Variants in SLC39A2 observed in about 807,000 individuals in gnomAD.
The protein encoded by SLC39A2 is solute carrier family 39 member 2.
Under a neutral mutation model 18.0 loss-of-function variants are expected in SLC39A2, and 14 were observed. The ratio of observed to expected loss-of-function variants is 0.78; its 90% CI spans 0.51 to 1.22. The LOEUF (loss-of-function observed/expected upper bound fraction) is 1.22. SLC39A2 is among the 50% of genes most tolerant of loss of function. SLC39A2 has a pLI of 0.00. For synonymous variants in SLC39A2, 152 were observed against 153.1 expected (o/e 0.99, Z 0.05); for missense variants, 375 against 370.6 (o/e 1.01, Z -0.10).
At chr14:20,999,621 A>G (rs1471093365) in intron 1 of SLC39A2, 60 bp downstream of exon 1, 1 of 1,577,994 alleles carries the variant, frequency 6.3e-7, no homozygotes, top group East Asian at 2.2e-5. Context: ...CTGTCCTGAT[A>G]CCTTGCTCTG....
chr14:20,999,648 CA>C, intron 1 of SLC39A2, 87 bp downstream of exon 1: 1 of 1,575,556 alleles, frequency 6.3e-7, no homozygotes, highest in East Asian at 2.2e-5. Context: ...TCACCATCCC[CA>C]ACCTTGGGAT....
rs754671155 is a variant in SLC39A2, at chr14:20,999,564, A to G, written c.115+3A>G. Reference sequence around the variant, plus strand: ...GTTCCAGATTGATGCAGCCAGAGGTATAGCCCTACCCCATCTTTGTTCCAT... The same window carrying G: ...GTTCCAGATTGATGCAGCCAGAGGTGTAGCCCTACCCCATCTTTGTTCCAT... On this transcript the variant is annotated splice_donor_region_variant and intron_variant, in intron 1 of 3. Transcript: ENST00000298681. 6.2e-7 allele frequency: 1 copy of G among 1,611,856 alleles called. No homozygotes were observed. The highest frequency in any genetic ancestry group is 1.7e-5 in the Admixed American group (1 of 60,026).
intron 3 of SLC39A2, 38 bp downstream of exon 3, chr14:21,000,204 G>A (rs771439041): frequency 6.7e-7 from 1 of 1,482,988 alleles, no homozygotes; most frequent in Non-Finnish European, 9.4e-7. Flanking sequence ...GGAGAGTGAG[G>A]AGAACCAGAG....
chr14:21,001,165 C>G lies in SLC39A2; in HGVS notation c.516C>G (p.Leu172=). Residue 172 remains leucine (L), a synonymous_variant, in exon 4 of 4, where the codon CTC becomes CTG. Coordinates refer to ENST00000298681, the MANE Select transcript of SLC39A2 (RefSeq NM_014579.4). ...GAGCCCTTGTCCTCTTGCTGTCACTCTCCTTTCACTCAGTGTTTGAAGGGC... is the reference window on the plus strand; with the variant it reads ...GAGCCCTTGTCCTCTTGCTGTCACTGTCCTTTCACTCAGTGTTTGAAGGGC... The part of the protein sequence containing the change: ...PLRALVLLLS[L]SFHSVFEGLA... 6.2e-7 allele frequency: 1 copy of G among 1,614,212 alleles called. No homozygotes were observed. Among genetic ancestry groups the G allele is most frequent in the South Asian group, 1.1e-5 (1 of 91,086 alleles).
At position 21,001,090 on chromosome 14, in the gene SLC39A2, C is replaced by G. The variant is rs375249363; in HGVS notation, c.441C>G (p.Phe147Leu). The G allele has an allele frequency of 6.2e-7, 1 of 1,612,740 alleles. No homozygotes were observed. Among genetic ancestry groups the G allele is most frequent in the Admixed American group, 1.7e-5 (1 of 59,960 alleles). The change falls in exon 4 of 4, where the codon TTC (phenylalanine) becomes TTG (leucine). Residue 147 changes from phenylalanine (F) to leucine (L), a missense_variant. Transcript: ENST00000298681. ...AAGAATGGGGTGGGGCTCATATCTT[C>G]GAACTCCACAGCCATGGACATTTAC... ...QDEEWGGAHIFELHSHGHLPS... is the reference protein window; with the variant it reads ...QDEEWGGAHILELHSHGHLPS...
At position 21,001,347 on chromosome 14, in the gene SLC39A2, T is replaced by C. The variant is rs1408015712; in HGVS notation, c.698T>C (p.Leu233Pro). The change falls in exon 4 of 4, where the codon CTC becomes CCC. Residue 233 changes from leucine (L) to proline (P), a missense_variant. By Grantham distance (98) the Leu-to-Pro change is moderately conservative (BLOSUM62 -3). Transcript: ENST00000298681. ...WAVFSILLLALMSPLGLAVGL... is the reference protein window; with the variant it reads ...WAVFSILLLAPMSPLGLAVGL... The stretch of plus-strand genomic sequence containing the variant: ...GTGTTCTCCATACTATTATTAGCTC[T>C]CATGTCCCCCCTGGGCCTAGCCGTA... The C allele has an allele frequency of 6.2e-7, 1 of 1,614,222 alleles. No homozygotes were observed. Among genetic ancestry groups the C allele is most frequent in the East Asian group, 2.2e-5 (1 of 44,886 alleles).
Position 21,001,130 on chromosome 14 carries a change from G to A in SLC39A2, c.481G>A (p.Gly161Ser), listed in dbSNP as rs199578379. 16 of 1,614,078 alleles carry A rather than the reference G, an allele frequency of 9.9e-6. No homozygotes were observed. The East Asian group carries it at 3.6e-4, about 36-fold the overall frequency. Residue 161 changes from glycine (G) to serine (S), a missense_variant, in exon 4 of 4, where the codon GGT becomes AGT. Transcript: ENST00000298681. The part of the protein sequence containing the change: ...SHGHLPSPSK[G>S]PLRALVLLLS... ...TGGACATTTACCCTCACCCTCAAAG[G>A]GTCCCCTCCGAGCCCTTGTCCTCTT...
rs1453339688 is a variant in SLC39A2 at position 21,001,693 on chromosome 14, A to G, written c.*114A>G. ...TCTTTACTCAGACTAAATAGCATTC[A>G]GTAGGACTGGACTGGACCCCAGGTT... On this transcript the variant is annotated 3_prime_UTR_variant, in exon 4 of 4. Coordinates refer to ENST00000298681, the MANE Select transcript of SLC39A2 (RefSeq NM_014579.4). The G allele has an allele frequency of 2.9e-6, 3 of 1,028,490 alleles. No homozygotes were observed. The highest frequency in any genetic ancestry group is 4.2e-6 in the Non-Finnish European group (3 of 714,320). 63.7% of individuals were successfully genotyped at this position (1,028,490 alleles called of 1,614,324 possible). A position where few individuals can be genotyped will look rare whatever the true frequency, so the allele number is the denominator to read the frequency against.
At position 21,001,357 on chromosome 14, in the gene SLC39A2, C is replaced by G. The variant is rs200748795; in HGVS notation, c.708C>G (p.Pro236=). The change falls in exon 4 of 4, where the codon CCC becomes CCG. Residue 236 remains proline (P), a synonymous_variant. Transcript: ENST00000298681. Reference sequence around the variant, plus strand: ...TACTATTATTAGCTCTCATGTCCCCCCTGGGCCTAGCCGTAGGGCTGGCTG... The same window carrying G: ...TACTATTATTAGCTCTCATGTCCCCGCTGGGCCTAGCCGTAGGGCTGGCTG... ...FSILLLALMS[P]LGLAVGLAVT... The G allele has an allele frequency of 1.9e-5, 31 of 1,614,200 alleles. No individual in the cohort carries two copies. In the East Asian group the frequency reaches 6.0e-4, roughly 31 times the overall value.
rs370867815 is a variant in SLC39A2, at chr14:21,001,298, T to C, written c.649T>C (p.Leu217=). ...TGGTGTAGGAATGCGGCTAGTGCATTTAGGTACCAGCTCACGATGGGCAGT... is the reference window on the plus strand; with the variant it reads ...TGGTGTAGGAATGCGGCTAGTGCATCTAGGTACCAGCTCACGATGGGCAGT... The part of the protein sequence containing the change: ...VFGVGMRLVH[L]GTSSRWAVFS... The change falls in exon 4 of 4, where the codon TTA becomes CTA. Residue 217 remains leucine (L), a synonymous_variant. Transcript: ENST00000298681. The C allele has an allele frequency of 3.2e-5, 52 of 1,614,212 alleles. No individual in the cohort carries two copies. In the South Asian group the frequency reaches 3.5e-4, roughly 11 times the overall value.
rs1443182194 is a variant in SLC39A2 at position 21,001,537 on chromosome 14, C to T, written c.888C>T (p.Ala296=). The part of the protein sequence containing the change: ...EAPLAKWSCV[A]AGFAFMAFIA... Reference sequence around the variant, plus strand: ...CTCTAGCTAAGTGGAGCTGTGTAGCCGCTGGTTTTGCCTTCATGGCCTTTA... The same window carrying T: ...CTCTAGCTAAGTGGAGCTGTGTAGCTGCTGGTTTTGCCTTCATGGCCTTTA... Residue 296 remains alanine, a synonymous_variant, in exon 4 of 4, where the codon GCC becomes GCT. Transcript: ENST00000298681. 4.4e-6 allele frequency: 7 copies of T among 1,588,106 alleles called. No individual in the cohort carries two copies. In the South Asian group the frequency reaches 5.8e-5, roughly 13 times the overall value.
chr14:21,001,165 CTCCTT>C lies in SLC39A2; in HGVS notation c.519_523del (p.Phe174LeufsTer4), dbSNP rs1880615567. ...GAGCCCTTGTCCTCTTGCTGTCACTCTCCTTTCACTCAGTGTTTGAAGGGCTAGCT... is the reference window on the plus strand; with the variant it reads ...GAGCCCTTGTCCTCTTGCTGTCACTCTCACTCAGTGTTTGAAGGGCTAGCT... On this transcript the variant is annotated frameshift_variant, in exon 4 of 4. Transcript: ENST00000298681. LOFTEE classifies it low-confidence loss of function (END_TRUNC). The C allele has an allele frequency of 1.2e-6, 2 of 1,614,094 alleles. No individual in the cohort carries two copies. Among genetic ancestry groups the C allele is most frequent in the South Asian group, 2.2e-5 (2 of 91,090 alleles).
rs752269768 is a variant in SLC39A2 at position 20,999,576 on chromosome 14, C to T, written c.115+15C>T. ...TGCAGCCAGAGGTATAGCCCTACCC[C>T]ATCTTTGTTCCATAGCCTGAGTCTC... On this transcript the variant is annotated intron_variant, in intron 1 of 3. Coordinates refer to ENST00000298681, the MANE Select transcript of SLC39A2 (RefSeq NM_014579.4). The T allele has an allele frequency of 1.7e-5, 28 of 1,606,442 alleles. No individual in the cohort carries two copies. Among genetic ancestry groups the T allele is most frequent in the Non-Finnish European group, 2.3e-5 (27 of 1,173,194 alleles).
rs745434872 is a variant in SLC39A2, at chr14:21,001,167, C to T, written c.518C>T (p.Ser173Phe). ...GCCCTTGTCCTCTTGCTGTCACTCT[C>T]CTTTCACTCAGTGTTTGAAGGGCTA... Reference protein sequence around the residue: ...LRALVLLLSLSFHSVFEGLAV... With the variant: ...LRALVLLLSLFFHSVFEGLAV... Residue 173 changes from serine to phenylalanine, a missense_variant, in exon 4 of 4, where the codon TCC becomes TTC. Coordinates refer to ENST00000298681, the MANE Select transcript of SLC39A2 (RefSeq NM_014579.4). 5.6e-6 allele frequency: 9 copies of T among 1,614,098 alleles called. No individual in the cohort carries two copies. The highest frequency in any genetic ancestry group is 7.6e-6 in the Non-Finnish European group (9 of 1,180,052).
rs751140614 is a variant in SLC39A2 at position 21,001,361 on chromosome 14, G to A, written c.712G>A (p.Gly238Ser). 1.2e-6 allele frequency: 2 copies of A among 1,614,168 alleles called. No individual in the cohort carries two copies. Among genetic ancestry groups the A allele is most frequent in the African/African-American group, 1.3e-5 (1 of 75,040 alleles). ...ATTATTAGCTCTCATGTCCCCCCTG[G>A]GCCTAGCCGTAGGGCTGGCTGTGAC... Reference protein sequence around the residue: ...ILLLALMSPLGLAVGLAVTGG... With the variant: ...ILLLALMSPLSLAVGLAVTGG... The change falls in exon 4 of 4, where the codon GGC becomes AGC. Residue 238 changes from glycine to serine, a missense_variant. Transcript: ENST00000298681.
chr14:21,001,358 C>G lies in SLC39A2; in HGVS notation c.709C>G (p.Leu237Val). 1.9e-6 allele frequency: 3 copies of G among 1,614,170 alleles called. No individual in the cohort carries two copies. The highest frequency in any genetic ancestry group is 2.5e-6 in the Non-Finnish European group (3 of 1,179,996). ...SILLLALMSPLGLAVGLAVTG... is the reference protein window; with the variant it reads ...SILLLALMSPVGLAVGLAVTG... ...ACTATTATTAGCTCTCATGTCCCCCCTGGGCCTAGCCGTAGGGCTGGCTGT... is the reference window on the plus strand; with the variant it reads ...ACTATTATTAGCTCTCATGTCCCCCGTGGGCCTAGCCGTAGGGCTGGCTGT... The change falls in exon 4 of 4, where the codon CTG (leucine) becomes GTG (valine). Residue 237 changes from leucine (L) to valine (V), a missense_variant. By Grantham distance (32) the Leu-to-Val change is conservative. Transcript: ENST00000298681.
Position 21,001,683 on chromosome 14 carries a change from A to G in SLC39A2, c.*104A>G. 1 of 1,155,130 alleles carries G rather than the reference A, an allele frequency of 8.7e-7. No individual in the cohort carries two copies. Among genetic ancestry groups the G allele is most frequent in the Non-Finnish European group, 1.2e-6 (1 of 823,340 alleles). The allele number at this position is 1,155,130 out of a possible 1,614,324, so 71.6% of individuals were successfully genotyped here. A position where few individuals can be genotyped will look rare whatever the true frequency, so the allele number is the denominator to read the frequency against. The stretch of plus-strand genomic sequence containing the variant: ...CTCAGACATTTCTTTACTCAGACTA[A>G]ATAGCATTCAGTAGGACTGGACTGG... On this transcript the variant is annotated 3_prime_UTR_variant, in exon 4 of 4. Transcript: ENST00000298681.
chr14:21,001,803 G>C lies in SLC39A2; in HGVS notation c.*224G>C, dbSNP rs1199016709. The C allele has an allele frequency of 2.4e-6, 1 of 411,322 alleles. No individual in the cohort carries two copies. The highest frequency in any genetic ancestry group is 4.3e-6 in the Non-Finnish European group (1 of 234,014). 25.5% of individuals were successfully genotyped at this position (411,322 alleles called of 1,614,324 possible). On this transcript the variant is annotated 3_prime_UTR_variant, in exon 4 of 4. Transcript: ENST00000298681. ...AGCTATTAATTGGAGAATTGGTACA[G>C]AGACGCTCCAGATTTTATTCTTATC...
intron 2 of SLC39A2, 107 bp from the exon 3 acceptor site, chr14:21,000,008 GT>G: frequency 6.9e-7 from 1 of 1,448,588 alleles, no homozygotes; most frequent in Non-Finnish European, 9.5e-7. Flanking sequence ...GTGTGGGATG[GT>G]GAAAGCAAGT....
Sources: allele counts gnomAD v4.1 joint callset, GRCh38; gene constraint gnomAD v4.1.1; transcripts MANE v1.5; gene names NCBI Gene and HGNC (gene_info 2026-07-23, HGNC 2026-07-21).